The following DARS1 variants were observed in gnomAD, a reference collection of about 807,000 sequenced individuals.
DARS1 encodes the protein aspartyl-tRNA synthetase 1.
A neutral mutation model predicts 68.8 loss-of-function variants in DARS1; 51 were observed. The ratio of observed to expected loss-of-function variants is 0.74; its 90% CI spans 0.59 to 0.94. The LOEUF is 0.94. DARS1 is among the 40% of genes least tolerant of loss of function. The pLI is 0.00. For missense variants in DARS1, 607 were observed against 597.3 expected, an observed-to-expected ratio of 1.02 and a Z score of -0.17; for synonymous variants, 203 against 190.4, an observed-to-expected ratio of 1.07 and a Z score of -0.55.
At chr2:135,930,477 C>T (rs1163966622) in intron 7 of DARS1, among the ~76,000 whole-genome samples, 4 of 152,164 alleles carry the variant, frequency 2.6e-5, no homozygotes, top group African/African-American at 9.7e-5. Context: ...AGTTTCTATG[C>T]TTACCTGGCA....
Position 135,933,906 on chromosome 2 carries a change from T to G in DARS1, c.504+4A>C, listed in dbSNP as rs1303891364. On this transcript the variant is annotated splice_donor_region_variant and intron_variant, in intron 6 of 15. Transcript: ENST00000264161. ...GCATAATATTTCATAAGTATAATTTTTACCTCTTCTCCTTCTGCCTCAGGC... is the reference window on the plus strand; with the variant it reads ...GCATAATATTTCATAAGTATAATTTGTACCTCTTCTCCTTCTGCCTCAGGC... 6.2e-7 allele frequency: 1 copy of G among 1,611,798 alleles called. No homozygotes were observed. The highest frequency in any genetic ancestry group is 2.2e-5 in the East Asian group (1 of 44,838).
intron 4 of DARS1, among the ~76,000 whole-genome samples, chr2:135,959,713 C>T (rs143761206): frequency 1.2e-3 from 189 of 152,206 alleles, no homozygotes; most frequent in African/African-American, 4.4e-3. Flanking sequence ...ATGGATTAAC[C>T]GTCCACTTGT....
chr2:135,909,497 T>C (rs1484654730), intron 15 of DARS1, among the ~76,000 whole-genome samples: 1 of 152,190 alleles, frequency 6.6e-6, no homozygotes, highest in Non-Finnish European at 1.5e-5. Flanking sequence ...AAAGAACATT[T>C]AAAATCTACT....
chr2:135,952,788 T>C (rs1193871006), intron 4 of DARS1, among the ~76,000 whole-genome samples: 2 of 152,258 alleles, frequency 1.3e-5, no homozygotes, highest in Non-Finnish European at 1.5e-5. Flanking sequence ...GAAACTTAGG[T>C]TGAATCCATA....
At chr2:135,951,172 T>G (rs537962688) in intron 4 of DARS1, among the ~76,000 whole-genome samples, 1 of 152,318 alleles carries the variant, frequency 6.6e-6, no homozygotes, top group Non-Finnish European at 1.5e-5. Context: ...TAACTCGATA[T>G]AGTTAAGCTT....
chr2:135,955,960 T>C (rs943733934), intron 4 of DARS1, among the ~76,000 whole-genome samples: 16 of 152,144 alleles, frequency 1.1e-4, no homozygotes, highest in Admixed American at 6.5e-5. Context: ...CGCCCAGCCA[T>C]ATGTTTCAAT....
intron 5 of DARS1, among the ~76,000 whole-genome samples, chr2:135,936,005 A>G (rs752482352): frequency 2.0e-4 from 31 of 152,296 alleles, no homozygotes; most frequent in South Asian, 4.1e-4. Flanking sequence ...TTCATCTCCA[A>G]TCCAAACTGG....
At chr2:135,928,367 T>C (rs1681268342) in intron 7 of DARS1, among the ~76,000 whole-genome samples, 1 of 152,100 alleles carries the variant, frequency 6.6e-6, no homozygotes, top group Non-Finnish European at 1.5e-5. Context: ...AGGGAACTAT[T>C]ATTTTAAAAA....
intron 6 of DARS1, among the ~76,000 whole-genome samples, chr2:135,933,079 T>A (rs1476779897): frequency 2.6e-5 from 4 of 152,136 alleles, no homozygotes; most frequent in African/African-American, 9.7e-5. Flanking sequence ...CTTTCCCTCC[T>A]CCACCCCTCA....
intron 1 of DARS1, 162 bp downstream of exon 1, chr2:135,985,241 C>G (rs1359455230): frequency 1.7e-6 from 2 of 1,194,176 alleles, no homozygotes; most frequent in Middle Eastern, 2.9e-4. Flanking sequence ...GGGTCTGGCC[C>G]CACTGCTGGG....
chr2:135,949,398 T>C (rs1483477926), intron 4 of DARS1, among the ~76,000 whole-genome samples: 1 of 152,116 alleles, frequency 6.6e-6, no homozygotes, highest in African/African-American at 2.4e-5. Context: ...ACTCTGTTAA[T>C]TACTTTAAAA....
intron 7 of DARS1, among the ~76,000 whole-genome samples, chr2:135,927,589 C>T (rs986482692): frequency 2.6e-5 from 4 of 151,968 alleles, no homozygotes; most frequent in African/African-American, 9.7e-5. Flanking sequence ...ATAATACTTC[C>T]TCCTCACTCA....
At chr2:135,978,990 T>G in intron 3 of DARS1, 1 of 256,288 alleles carries the variant, frequency 3.9e-6, no homozygotes, top group Non-Finnish European at 7.3e-6. Flanking sequence ...TTTTTTTAGC[T>G]ACTCCTTCTC....
chr2:135,951,672 C>T (rs1171644905), intron 4 of DARS1, among the ~76,000 whole-genome samples: 1 of 152,166 alleles, frequency 6.6e-6, no homozygotes. Flanking sequence ...TGGGTGCACT[C>T]GGCCATGCAG....
chr2:135,938,140 T>C (rs1681510788), intron 5 of DARS1, among the ~76,000 whole-genome samples: 2 of 152,210 alleles, frequency 1.3e-5, no homozygotes, highest in Admixed American at 1.3e-4. Context: ...AGACGTAGAT[T>C]TGGTCTTTTC....
intron 3 of DARS1, among the ~76,000 whole-genome samples, chr2:135,968,052 G>A (rs372875856): frequency 4.6e-5 from 7 of 152,236 alleles, no homozygotes; most frequent in Admixed American, 3.3e-4. Flanking sequence ...CTGAGGTCAG[G>A]AGTTTGAGAC....
intron 3 of DARS1, among the ~76,000 whole-genome samples, chr2:135,967,606 A>C (rs1682265210): frequency 6.6e-6 from 1 of 152,320 alleles, no homozygotes; most frequent in African/African-American, 2.4e-5. Context: ...TCATTTTAAA[A>C]AATGTCTGAA....
rs145476959 is a variant in DARS1 at position 135,964,921 on chromosome 2, T to C, written c.218-3423A>G. 2.5e-3 allele frequency among the ~76,000 whole-genome samples: 380 copies of C among 151,408 alleles called. 2 individuals are homozygous for C. The highest frequency in any genetic ancestry group is 7.6e-3 in the Admixed American group (115 of 15,206). On this transcript the variant is annotated intron_variant, in intron 3 of 15. Coordinates refer to ENST00000264161, the MANE Select transcript of DARS1 (RefSeq NM_001349.4). ...GTTTACTGTGCTTATTAGATTTAAT[T>C]CTAAAAAATTTTTCTTATTAAAAAA...
At chr2:135,918,160 C>T (rs772010392) in intron 10 of DARS1, among the ~76,000 whole-genome samples, 2 of 152,158 alleles carry the variant, frequency 1.3e-5, no homozygotes, top group Non-Finnish European at 2.9e-5. Context: ...ATCTCCTGAT[C>T]TGCCCACCTC....
Sources: gnomAD v4.1 joint callset for allele counts (sites outside exome capture counted in the v4.1 genomes callset) on GRCh38, gnomAD v4.1.1 for gene constraint, MANE v1.5 for transcripts, NCBI Gene and HGNC (gene_info 2026-07-23, HGNC 2026-07-21) for gene names.